MREG: variants seen among roughly 807,000 people sequenced by gnomAD.
MREG encodes melanoregulin, also known as dilute suppressor protein homolog.
A neutral mutation model predicts 28.5 loss-of-function variants in MREG; 31 were observed. The ratio of observed to expected loss-of-function variants is 1.09; its 90% confidence interval spans 0.82 to 1.47. The LOEUF (loss-of-function observed/expected upper bound fraction) is 1.47. Ranked by LOEUF, MREG falls within the 40% of genes most tolerant of loss-of-function variation. The pLI, the probability that MREG is intolerant of heterozygous loss-of-function variation, is 0.00. For missense variants in MREG, 256 were observed against 257.4 expected (o/e 0.99, Z 0.04); for synonymous variants, 106 against 95.2 (o/e 1.11, Z -0.66).
intron 1 of MREG, among the ~76,000 whole-genome samples, chr2:216,012,111 G>A (rs767232069): frequency 6.6e-6 from 1 of 152,320 alleles, no homozygotes; most frequent in Middle Eastern, 3.4e-3. Context: ...CATCCTAGAA[G>A]AGGAAGATGG....
intron 1 of MREG, among the ~76,000 whole-genome samples, chr2:216,028,268 C>A (rs140061295): frequency 2.6e-3 from 399 of 152,296 alleles, no homozygotes; most frequent in African/African-American, 9.3e-3. Flanking sequence ...GTAATCCCAG[C>A]ACTTTGGGAG....
At chr2:215,974,844 ACACACACACTCTCTCT>A (rs1693202203) in intron 2 of MREG, among the ~76,000 whole-genome samples, 1 of 147,326 alleles carries the variant, frequency 6.8e-6, no homozygotes, top group Non-Finnish European at 1.5e-5. Flanking sequence ...ACACACACAC[ACACACACACTCTCTCT>A]CTCTCTCTCT....
intron 2 of MREG, among the ~76,000 whole-genome samples, chr2:215,991,767 C>A (rs976204619): frequency 5.9e-5 from 9 of 152,168 alleles, no homozygotes; most frequent in Admixed American, 2.0e-4. Context: ...ACTATAAACA[C>A]CTCTATGCAA....
chr2:215,975,409 A>T (rs1323086146), intron 2 of MREG, among the ~76,000 whole-genome samples: 1 of 152,212 alleles, frequency 6.6e-6, no homozygotes, highest in Non-Finnish European at 1.5e-5. Flanking sequence ...ACCATAGGCT[A>T]GATTGACAGC....
chr2:216,009,784 C>T (rs1694250265), intron 1 of MREG, among the ~76,000 whole-genome samples: 1 of 152,120 alleles, frequency 6.6e-6, no homozygotes, highest in African/African-American at 2.4e-5. Context: ...GATTCGCCTG[C>T]CTCGGCCTCC....
At chr2:215,995,672 A>C (rs1693853580) in intron 2 of MREG, among the ~76,000 whole-genome samples, 1 of 152,180 alleles carries the variant, frequency 6.6e-6, no homozygotes, top group Non-Finnish European at 1.5e-5. Flanking sequence ...ATGACTTTCC[A>C]AAGAAAGGAG....
At chr2:216,000,148 A>T (rs1368565624) in intron 1 of MREG, among the ~76,000 whole-genome samples, 1 of 152,230 alleles carries the variant, frequency 6.6e-6, no homozygotes, top group African/African-American at 2.4e-5. Flanking sequence ...CCCTCACGTT[A>T]CACAAGCATC....
intron 1 of MREG, among the ~76,000 whole-genome samples, chr2:216,026,067 T>G (rs906187899): frequency 1.3e-5 from 2 of 152,152 alleles, no homozygotes; most frequent in African/African-American, 4.8e-5. Context: ...ACAATGTGGA[T>G]GACCCTCAAA....
intron 1 of MREG, among the ~76,000 whole-genome samples, chr2:216,004,893 T>C (rs1374792678): frequency 6.6e-6 from 1 of 152,158 alleles, no homozygotes; most frequent in East Asian, 1.9e-4. Flanking sequence ...TAGAATGTTC[T>C]GATAAAATGA....
intron 2 of MREG, among the ~76,000 whole-genome samples, chr2:215,953,298 G>A (rs1400634683): frequency 6.6e-6 from 1 of 152,216 alleles, no homozygotes; most frequent in African/African-American, 2.4e-5. Context: ...ATTGGCTTAT[G>A]CCAATAAACT....
chr2:215,998,315 A>T (rs1179787091), intron 1 of MREG, among the ~76,000 whole-genome samples: 12 of 148,432 alleles, frequency 8.1e-5, no homozygotes, highest in South Asian at 4.2e-4. Flanking sequence ...CACAAAAAAA[A>T]AAAAAAATAA....
Position 216,002,479 on chromosome 2 carries a change from C to T in MREG, c.96-6014G>A, listed in dbSNP as rs551930431. Reference sequence around the variant, plus strand: ...GCAGTTCCAGTGACTTTACTGCTCTCCCCACAGGCCATGTGGCAGTGGCCA... The same window carrying T: ...GCAGTTCCAGTGACTTTACTGCTCTTCCCACAGGCCATGTGGCAGTGGCCA... On this transcript the variant is annotated intron_variant, in intron 1 of 4. Transcript: ENST00000263268. 7.9e-5 allele frequency among the ~76,000 whole-genome samples: 12 copies of T among 152,322 alleles called. No individual in the cohort carries two copies. In the South Asian group the frequency reaches 2.3e-3, roughly 29 times the overall value.
chr2:216,032,329 G>GT (rs1694722577), intron 1 of MREG, among the ~76,000 whole-genome samples: 1 of 152,164 alleles, frequency 6.6e-6, no homozygotes, highest in Non-Finnish European at 1.5e-5. Flanking sequence ...TTGCTGATTT[G>GT]TTTGAGTTTT....
intron 2 of MREG, among the ~76,000 whole-genome samples, chr2:215,970,061 A>G (rs926764987): frequency 1.3e-5 from 2 of 152,170 alleles, no homozygotes; most frequent in Admixed American, 6.5e-5. Context: ...CAAAATTGGT[A>G]TGTTGAATCC....
At chr2:215,945,342 G>T (rs971370864) in intron 4 of MREG, among the ~76,000 whole-genome samples, 2 of 152,116 alleles carry the variant, frequency 1.3e-5, no homozygotes, top group Non-Finnish European at 2.9e-5. Flanking sequence ...TCTTGAGCTG[G>T]AACCCAAGCC....
intron 2 of MREG, among the ~76,000 whole-genome samples, chr2:215,981,660 AT>A (rs1693431822): frequency 6.6e-6 from 1 of 152,134 alleles, no homozygotes; most frequent in African/African-American, 2.4e-5. Context: ...TGTTATATAT[AT>A]TTTAAATTTA....
chr2:215,973,936 CT>C (rs1363383276), intron 2 of MREG, among the ~76,000 whole-genome samples: 6 of 152,182 alleles, frequency 3.9e-5, no homozygotes, highest in African/African-American at 1.4e-4. Flanking sequence ...TGGCCTCCTG[CT>C]GCAAAACATG....
chr2:215,944,914 G>A lies in MREG; in HGVS notation c.594C>T (p.Cys198=). The change falls in exon 5 of 5, where the codon TGC becomes TGT. Residue 198 remains cysteine, a synonymous_variant. Coordinates refer to ENST00000263268, the MANE Select transcript of MREG (RefSeq NM_018000.3). ...RTYPKKPGVP[C]LADGQKELHY... is the part of the protein sequence containing the mutation. ...GCAGTTCTTTCTGGCCATCTGCCAG[G>A]CATGGAACCCCAGGCTTCTTGGGGT... The A allele has an allele frequency of 6.2e-7, 1 of 1,608,598 alleles. No homozygotes were observed. Among genetic ancestry groups the A allele is most frequent in the East Asian group, 2.2e-5 (1 of 44,750 alleles).
chr2:216,032,794 T>C (rs1031497695), exon 1 of MREG: 2 of 152,232 alleles, frequency 1.3e-5, no homozygotes, highest in Admixed American at 1.3e-4. Context: ...CATACCTTTC[T>C]TGAATACGGT....
Sources: gnomAD v4.1 joint callset for allele counts (sites outside exome capture counted in the v4.1 genomes callset) on GRCh38, gnomAD v4.1.1 for gene constraint, MANE v1.5 for transcripts, NCBI Gene and HGNC (gene_info 2026-07-23, HGNC 2026-07-21) for gene names.